The following TDRD3 variants were observed in gnomAD, a reference collection of about 807,000 sequenced individuals.
The protein encoded by TDRD3 is tudor domain-containing protein 3.
In TDRD3, 45 loss-of-function variants were observed where a neutral mutation model predicts 86.7. The observed-to-expected ratio is 0.52, with a 90% CI of 0.41 to 0.67. TDRD3 has a LOEUF of 0.67. TDRD3 is among the 30% of genes least tolerant of loss of function. The pLI, the probability that TDRD3 is intolerant of heterozygous loss-of-function variation, is 0.00. For missense variants in TDRD3, 814 were observed against 889.0 expected (o/e 0.92, Z 1.07); for synonymous variants, 298 against 301.7 (o/e 0.99, Z 0.13).
At chr13:60,535,306 GC>G in intron 12 of TDRD3, 73 bp downstream of exon 12, 1 of 1,440,484 alleles carries the variant, frequency 6.9e-7, no homozygotes, top group Non-Finnish European at 9.2e-7. Context: ...GAATTAGATA[GC>G]CATACAAAAT....
At chr13:60,435,246 C>T (rs141736791) in intron 1 of TDRD3, among the ~76,000 whole-genome samples, 74 of 152,088 alleles carry the variant, frequency 4.9e-4, no homozygotes, top group African/African-American at 9.2e-4. Flanking sequence ...TTGTTATGTT[C>T]AGAAAACCTT....
chr13:60,398,778 C>T (rs1191397711), intron 1 of TDRD3, among the ~76,000 whole-genome samples: 1 of 152,196 alleles, frequency 6.6e-6, no homozygotes, highest in African/African-American at 2.4e-5. Flanking sequence ...ACAGTTTTTT[C>T]GCAGAACAGC....
intron 8 of TDRD3, among the ~76,000 whole-genome samples, chr13:60,508,959 G>T (rs1033796388): frequency 1.3e-5 from 2 of 152,144 alleles, no homozygotes; most frequent in Non-Finnish European, 2.9e-5. Context: ...CCATGCATTG[G>T]ACTTAACTAG....
chr13:60,542,219 C>G (rs1957834370), intron 12 of TDRD3, among the ~76,000 whole-genome samples: 1 of 152,104 alleles, frequency 6.6e-6, no homozygotes, highest in African/African-American at 2.4e-5. Context: ...TAATTTTAGA[C>G]TGTCCTGAAT....
intron 1 of TDRD3, among the ~76,000 whole-genome samples, chr13:60,433,675 C>T (rs1329726004): frequency 6.6e-6 from 1 of 152,158 alleles, no homozygotes; most frequent in Non-Finnish European, 1.5e-5. Context: ...GCAGGCTGAG[C>T]CCTGTTTTGT....
At chr13:60,454,174 G>A (rs1416359089) in intron 3 of TDRD3, among the ~76,000 whole-genome samples, 3 of 152,222 alleles carry the variant, frequency 2.0e-5, no homozygotes, top group Non-Finnish European at 4.4e-5. Context: ...GTTACGTTGT[G>A]ATCAGAGAAT....
At chr13:60,404,464 C>A (rs1439251963) in intron 1 of TDRD3, among the ~76,000 whole-genome samples, 3 of 151,422 alleles carry the variant, frequency 2.0e-5, no homozygotes, top group Non-Finnish European at 4.4e-5. Context: ...GCGCCCGCCA[C>A]TACGCCCGGC....
At chr13:60,484,800 C>T (rs1288135418) in intron 6 of TDRD3, 2 of 393,096 alleles carry the variant, frequency 5.1e-6, no homozygotes, top group Non-Finnish European at 1.0e-5. Flanking sequence ...ACAGGGAAAA[C>T]AGTGTAAACA....
intron 12 of TDRD3, among the ~76,000 whole-genome samples, chr13:60,557,193 C>T (rs977928499): frequency 3.4e-5 from 4 of 118,592 alleles, no homozygotes; most frequent in Admixed American, 1.1e-4. Context: ...GCAACAAGAG[C>T]GAAACTCTGT....
chr13:60,430,757 A>G (rs1228533453), intron 1 of TDRD3, among the ~76,000 whole-genome samples: 2 of 152,072 alleles, frequency 1.3e-5, no homozygotes, highest in Non-Finnish European at 2.9e-5. Flanking sequence ...CCAAATAAGC[A>G]TTCTAGGGTG....
intron 12 of TDRD3, among the ~76,000 whole-genome samples, chr13:60,540,925 T>A (rs1190132456): frequency 1.3e-5 from 2 of 152,164 alleles, no homozygotes; most frequent in African/African-American, 4.8e-5. Flanking sequence ...ACCTAACACA[T>A]GCCGTCACTC....
intron 10 of TDRD3, among the ~76,000 whole-genome samples, chr13:60,519,081 A>G (rs1442306231): frequency 6.6e-6 from 1 of 152,056 alleles, no homozygotes; most frequent in East Asian, 1.9e-4. Flanking sequence ...TTTTTTTGGT[A>G]CTTGGATCTG....
chr13:60,529,246 T>C, intron 11 of TDRD3, 29 bp downstream of exon 11: 1 of 1,526,834 alleles, frequency 6.5e-7, no homozygotes, highest in Non-Finnish European at 8.8e-7. Flanking sequence ...TATTATACAC[T>C]AATATTACGA....
intron 4 of TDRD3, 159 bp downstream of exon 4, chr13:60,460,699 GTA>G: frequency 3.0e-6 from 2 of 675,022 alleles, no homozygotes; most frequent in Non-Finnish European, 4.5e-6. Flanking sequence ...TGCTTCACCT[GTA>G]TAAAAATAGT....
At chr13:60,397,178 A>G (rs1566160387), upstream of TDRD3, 4 of 411,096 alleles carry the variant, frequency 9.7e-6, no homozygotes, top group Non-Finnish European at 1.3e-5. Flanking sequence ...GGCCGCTCAG[A>G]AAACGCGGCG....
chr13:60,538,383 A>AT (rs34945980), intron 12 of TDRD3, among the ~76,000 whole-genome samples: 45,253 of 138,544 alleles, frequency 0.33, 7,357 homozygotes, highest in Non-Finnish European at 0.35. Flanking sequence ...TTTCACCTGT[A>AT]TTTTTTTTTT....
At chr13:60,554,464 T>G (rs1958141990) in intron 12 of TDRD3, among the ~76,000 whole-genome samples, 1 of 152,222 alleles carries the variant, frequency 6.6e-6, no homozygotes, top group African/African-American at 2.4e-5. Flanking sequence ...TACTCCAGTG[T>G]ACCTTTCTCT....
chr13:60,497,080 C>T (rs776519012), intron 8 of TDRD3, among the ~76,000 whole-genome samples: 2 of 152,140 alleles, frequency 1.3e-5, no homozygotes, highest in Non-Finnish European at 2.9e-5. Context: ...TGATTGGGAG[C>T]GGCAGCTGGC....
chr13:60,437,045 A>G lies in TDRD3; in HGVS notation c.42-2643A>G, dbSNP rs17058164. 8.3e-3 allele frequency among the ~76,000 whole-genome samples: 1,194 copies of G among 143,374 alleles called. 21 individuals are homozygous for G. Among genetic ancestry groups the G allele is most frequent in the African/African-American group, 0.029 (1,120 of 39,180 alleles). 94.1% of individuals were successfully genotyped at this position (143,374 alleles called of 152,430 possible). A position where few individuals can be genotyped will look rare whatever the true frequency, so the allele number is the denominator to read the frequency against. On this transcript the variant is annotated intron_variant, in intron 1 of 13. Transcript: ENST00000377881. ...AAGTATCTAGCTGATTAGGAAACTG[A>G]TTTGGATAGCTACTGGCTTTTTTTA...
Sources: allele counts gnomAD v4.1 joint callset (sites outside exome capture counted in the v4.1 genomes callset), GRCh38; gene constraint gnomAD v4.1.1; transcripts MANE v1.5; gene names NCBI Gene and HGNC (gene_info 2026-07-23, HGNC 2026-07-21).